CRYL1: variants seen among roughly 807,000 people sequenced by gnomAD.
CRYL1 encodes the protein lambda-crystallin homolog.
CRYL1 carries 29 observed loss-of-function variants against 36.6 expected under a neutral mutation model. That is an observed-to-expected ratio of 0.79 (90% CI 0.59 to 1.08). The LOEUF is 1.08. CRYL1 is among the 50% of genes least tolerant of loss of function. CRYL1 has a pLI of 0.00. For synonymous variants in CRYL1, 152 were observed against 151.5 expected, an observed-to-expected ratio of 1.00 and a Z score of -0.02; for missense variants, 411 against 407.9, an observed-to-expected ratio of 1.01 and a Z score of -0.06.
At chr13:20,431,836 G>A in intron 5 of CRYL1, 1 of 1,401,706 alleles carries the variant, frequency 7.1e-7, no homozygotes, top group Non-Finnish European at 9.3e-7. Flanking sequence ...GAAAGGGCAG[G>A]AAGGAGAGAA....
chr13:20,521,538 C>G (rs1451482237), intron 1 of CRYL1, among the ~76,000 whole-genome samples: 1 of 152,090 alleles, frequency 6.6e-6, no homozygotes, highest in Non-Finnish European at 1.5e-5. Flanking sequence ...TTTTTCCAAC[C>G]ACTATATGCC....
chr13:20,462,428 C>G (rs2032849955), intron 3 of CRYL1, among the ~76,000 whole-genome samples: 1 of 150,352 alleles, frequency 6.7e-6, no homozygotes, highest in South Asian at 2.1e-4. Flanking sequence ...TCCAGCCAGG[C>G]CTCTTAGGAA....
intron 4 of CRYL1, among the ~76,000 whole-genome samples, chr13:20,434,549 A>G (rs930156620): frequency 4.6e-5 from 7 of 151,102 alleles, no homozygotes; most frequent in Admixed American, 6.6e-5. Context: ...CCAATTAGGG[A>G]AAAAAAGCTG....
At chr13:20,502,979 G>A (rs147688644) in intron 2 of CRYL1, among the ~76,000 whole-genome samples, 1 of 152,108 alleles carries the variant, frequency 6.6e-6, no homozygotes, top group Admixed American at 6.5e-5. Context: ...ACAGCACACA[G>A]GATCATGCCG....
rs1178058431 is a variant in CRYL1, at chr13:20,481,636, C to T, written c.276+7734G>A. On this transcript the variant is annotated intron_variant, in intron 3 of 7. Coordinates refer to ENST00000298248, the MANE Select transcript of CRYL1 (RefSeq NM_015974.3). The surrounding 1 kb of genome is among the most constrained non-coding windows in gnomAD (Gnocchi z 4.1). The stretch of plus-strand genomic sequence containing the variant: ...AAAGAAAAAAACACGTATGGCCATG[C>T]GTGGTGGCTCACTCCTGTAATTCCA... Among the ~76,000 whole-genome samples, 6 of 152,222 alleles carry T rather than the reference C, an allele frequency of 3.9e-5. No individual in the cohort carries two copies. Among genetic ancestry groups the T allele is most frequent in the East Asian group, 3.9e-4 (2 of 5,182 alleles).
intron 6 of CRYL1, among the ~76,000 whole-genome samples, chr13:20,405,330 C>T (rs1221996403): frequency 6.6e-6 from 1 of 151,964 alleles, no homozygotes; most frequent in Non-Finnish European, 1.5e-5. Context: ...GCTGGTGCAT[C>T]TCATGGGACC....
chr13:20,517,689 C>T (rs1395560318), intron 1 of CRYL1, among the ~76,000 whole-genome samples: 3 of 152,074 alleles, frequency 2.0e-5, no homozygotes, highest in South Asian at 2.1e-4. Flanking sequence ...GTAATCCCAG[C>T]GCTTTGGGAG....
At chr13:20,510,779 A>AT (rs578014847) in intron 2 of CRYL1, among the ~76,000 whole-genome samples, 5 of 151,852 alleles carry the variant, frequency 3.3e-5, no homozygotes, top group Non-Finnish European at 5.9e-5. Flanking sequence ...TGCCCAGATA[A>AT]TTTTTTTGAT....
chr13:20,426,864 A>T (rs1379099997), intron 5 of CRYL1: 1 of 985,476 alleles, frequency 1.0e-6, no homozygotes, highest in East Asian at 1.1e-4. Flanking sequence ...AAATCAAGAG[A>T]CCAAGAACTC....
At chr13:20,449,902 C>G (rs1452746263) in intron 3 of CRYL1, among the ~76,000 whole-genome samples, 1 of 151,986 alleles carries the variant, frequency 6.6e-6, no homozygotes, top group Admixed American at 6.6e-5. Context: ...TGAAAGATCT[C>G]TATAAGGAGA....
rs1565959667 is a variant in CRYL1 at position 20,425,216 on chromosome 13, C to G, written c.633+6886G>C. Among the ~76,000 whole-genome samples the G allele has an allele frequency of 2.0e-5, 3 of 152,356 alleles. No homozygotes were observed. The South Asian group carries it at 6.2e-4, about 32-fold the overall frequency. On this transcript the variant is annotated intron_variant, in intron 5 of 7. Coordinates refer to ENST00000298248, the MANE Select transcript of CRYL1 (RefSeq NM_015974.3). The surrounding 1 kb of genome is among the most constrained non-coding windows in gnomAD (Gnocchi z 4.4). ...GTCTCCTGTTGGCGGTGGCTCCGCA[C>G]AGGCTTCCTCTTGTCAAGCTCTGCT...
At chr13:20,416,134 T>C (rs1178296841) in intron 5 of CRYL1, among the ~76,000 whole-genome samples, 1 of 152,232 alleles carries the variant, frequency 6.6e-6, no homozygotes, top group Non-Finnish European at 1.5e-5. Context: ...CTTGGTGTCC[T>C]CACCCTTGCA....
intron 6 of CRYL1, among the ~76,000 whole-genome samples, chr13:20,408,878 T>C (rs576781128): frequency 6.6e-6 from 1 of 152,336 alleles, no homozygotes; most frequent in African/African-American, 2.4e-5. Context: ...GAGCATTCCA[T>C]GCTCATGGGT....
At chr13:20,434,630 C>G (rs888525277) in intron 4 of CRYL1, among the ~76,000 whole-genome samples, 1 of 147,972 alleles carries the variant, frequency 6.8e-6, no homozygotes, top group Non-Finnish European at 1.5e-5. Context: ...CCCCTACACC[C>G]CCACCTGCAG....
chr13:20,489,621 C>G, intron 2 of CRYL1, 125 bp from the exon 3 acceptor site: 1 of 1,089,134 alleles, frequency 9.2e-7, no homozygotes, highest in South Asian at 1.6e-5. Flanking sequence ...CACCTCACAC[C>G]CATTAGGGGC....
At chr13:20,428,731 T>A (rs1034565293) in intron 5 of CRYL1, among the ~76,000 whole-genome samples, 14 of 152,084 alleles carry the variant, frequency 9.2e-5, no homozygotes, top group African/African-American at 3.4e-4. Flanking sequence ...AATTCATACT[T>A]TCATATGATT....
At chr13:20,519,930 T>C (rs1269109910) in intron 1 of CRYL1, among the ~76,000 whole-genome samples, 4 of 152,160 alleles carry the variant, frequency 2.6e-5, no homozygotes, top group Non-Finnish European at 4.4e-5. Context: ...ATGATGCTAT[T>C]GTGGTTATAT....
At chr13:20,467,902 C>G (rs530142786) in intron 3 of CRYL1, among the ~76,000 whole-genome samples, 11 of 152,320 alleles carry the variant, frequency 7.2e-5, no homozygotes, top group Non-Finnish European at 1.5e-4. Flanking sequence ...TGCGCCTGAG[C>G]TCCACCTCCT....
intron 4 of CRYL1, among the ~76,000 whole-genome samples, chr13:20,436,833 G>A (rs891506769): frequency 5.3e-5 from 8 of 152,126 alleles, no homozygotes; most frequent in Non-Finnish European, 1.2e-4. Flanking sequence ...GGCCCAGGCA[G>A]AAATCACTAA....
Sources: allele counts gnomAD v4.1 joint callset (sites outside exome capture counted in the v4.1 genomes callset), GRCh38; gene constraint gnomAD v4.1.1; non-coding constraint Gnocchi (gnomAD v3.1); transcripts MANE v1.5; gene names NCBI Gene and HGNC (gene_info 2026-07-23, HGNC 2026-07-21).